Variants in C12orf54 observed in about 807,000 individuals in gnomAD.
C12orf54 encodes chromosome 12 open reading frame 54.
C12orf54 carries 24 observed loss-of-function variants against 26.4 expected under a neutral mutation model. That is an observed-to-expected ratio of 0.91 (90% CI 0.66 to 1.28). The LOEUF (loss-of-function observed/expected upper bound fraction) is 1.28. Among genes scored for constraint, C12orf54 ranks in the 50% most tolerant of loss-of-function variants. The probability of loss-of-function intolerance (pLI) is 0.00; values close to 1 mark genes in which losing one functional copy is unlikely to be tolerated. For synonymous variants in C12orf54, 54 were observed against 47.0 expected (o/e 1.15, Z -0.61); for missense variants, 154 against 150.9 (o/e 1.02, Z -0.11).
chr12:48,423,479 G>A, the C12orf54 span, among the ~76,000 whole-genome samples: 13 of 152,020 alleles, frequency 8.6e-5, no homozygotes, highest in East Asian at 7.7e-4. Flanking sequence ...CAGATGGTTC[G>A]CAAAAAGTGA....
At chr12:48,454,188 C>T in the C12orf54 span, among the ~76,000 whole-genome samples, 1 of 148,810 alleles carries the variant, frequency 6.7e-6, no homozygotes, top group African/African-American at 2.5e-5. Context: ...ACCTCTGCCT[C>T]CTGGGTTCAA....
chr12:48,418,401 C>T, the C12orf54 span, among the ~76,000 whole-genome samples: 2 of 152,002 alleles, frequency 1.3e-5, no homozygotes, highest in African/African-American at 4.8e-5. Flanking sequence ...TAATTTGAGT[C>T]CAGTGGTCAT....
the C12orf54 span, among the ~76,000 whole-genome samples, chr12:48,463,890 T>A: frequency 2.6e-5 from 4 of 152,076 alleles, no homozygotes; most frequent in Non-Finnish European, 4.4e-5. Flanking sequence ...CCCCCTTTCA[T>A]GTTAAAAACT....
intron 2 of C12orf54, among the ~76,000 whole-genome samples, chr12:48,485,974 T>C (rs1954256566): frequency 6.6e-6 from 1 of 152,110 alleles, no homozygotes; most frequent in African/African-American, 2.4e-5. Flanking sequence ...TCCACAATAG[T>C]CAAGATACTT....
the C12orf54 span, among the ~76,000 whole-genome samples, chr12:48,433,066 T>G: frequency 6.6e-6 from 1 of 152,290 alleles, no homozygotes; most frequent in African/African-American, 2.4e-5. Flanking sequence ...GTAGTAAATA[T>G]ATCTGAATTT....
the C12orf54 span, among the ~76,000 whole-genome samples, chr12:48,476,413 A>T: frequency 2.0e-5 from 3 of 152,210 alleles, no homozygotes; most frequent in Admixed American, 2.0e-4. Flanking sequence ...TTTAAATGTA[A>T]ATGGGCTAAA....
chr12:48,457,203 G>A, the C12orf54 span, among the ~76,000 whole-genome samples: 1 of 152,126 alleles, frequency 6.6e-6, no homozygotes, highest in Non-Finnish European at 1.5e-5. Context: ...GGTGACCGTA[G>A]GGCCCCAGGC....
At chr12:48,487,815 C>T in intron 4 of C12orf54, 1 of 469,620 alleles carries the variant, frequency 2.1e-6, no homozygotes, top group East Asian at 3.1e-5. Context: ...AGTTCTCACA[C>T]TTTCTCCCAA....
the C12orf54 span, among the ~76,000 whole-genome samples, chr12:48,424,858 G>A: frequency 2.0e-5 from 3 of 152,068 alleles, no homozygotes; most frequent in African/African-American, 7.2e-5. Flanking sequence ...ATGTGAAATT[G>A]TAGCAAAATC....
the C12orf54 span, among the ~76,000 whole-genome samples, chr12:48,438,821 A>T: frequency 1.3e-5 from 2 of 152,170 alleles, no homozygotes; most frequent in Non-Finnish European, 1.5e-5. Context: ...AACCTAGACA[A>T]TACCATTCAG....
the C12orf54 span, among the ~76,000 whole-genome samples, chr12:48,428,156 G>T: frequency 6.6e-6 from 1 of 151,940 alleles, no homozygotes; most frequent in Non-Finnish European, 1.5e-5. Context: ...CAAAACCTCT[G>T]GGATATAGCA....
At chr12:48,469,890 T>C in the C12orf54 span, among the ~76,000 whole-genome samples, 1 of 152,162 alleles carries the variant, frequency 6.6e-6, no homozygotes, top group Non-Finnish European at 1.5e-5. Flanking sequence ...GTCATTCCCA[T>C]GTTTATGTTC....
chr12:48,474,551 C>T, the C12orf54 span, among the ~76,000 whole-genome samples: 5 of 152,132 alleles, frequency 3.3e-5, no homozygotes, highest in Admixed American at 1.3e-4. Flanking sequence ...CCTAGTACTG[C>T]GCTTTTCCAA....
chr12:48,475,743 A>G, the C12orf54 span, among the ~76,000 whole-genome samples: 1 of 152,234 alleles, frequency 6.6e-6, no homozygotes, highest in Non-Finnish European at 1.5e-5. Context: ...ATATGGGACT[A>G]TGTGAAAAGA....
the C12orf54 span, among the ~76,000 whole-genome samples, chr12:48,477,353 A>C: frequency 9.9e-5 from 15 of 152,192 alleles, no homozygotes; most frequent in African/African-American, 3.6e-4. Context: ...AAGCAAGAGC[A>C]AACACATTCA....
At chr12:48,426,877 G>C in the C12orf54 span, among the ~76,000 whole-genome samples, 2 of 152,138 alleles carry the variant, frequency 1.3e-5, no homozygotes, top group South Asian at 4.1e-4. Context: ...ATGGCTCTCA[G>C]CTTAGCTGTT....
chr12:48,493,825 G>A lies in C12orf54; in HGVS notation c.242+830G>A, dbSNP rs945120315. ...ACAGATTTAAATTAGACATAGGGAG[G>A]AAAGACTTTTCAATAGTGCAACTGA... On this transcript the variant is annotated intron_variant, in intron 7 of 8. Coordinates refer to ENST00000548364, the MANE Select transcript of C12orf54 (RefSeq NM_152319.4). Among the ~76,000 whole-genome samples, 7 of 146,326 alleles carry A rather than the reference G, an allele frequency of 4.8e-5. No homozygotes were observed. In the South Asian group the frequency reaches 1.5e-3, roughly 31 times the overall value.
the C12orf54 span, among the ~76,000 whole-genome samples, chr12:48,468,380 A>AG: frequency 6.6e-6 from 1 of 152,176 alleles, no homozygotes; most frequent in Non-Finnish European, 1.5e-5. Context: ...ATGATGTCCA[A>AG]GGGGTAGGCC....
upstream of C12orf54, among the ~76,000 whole-genome samples, chr12:48,477,776 G>T (rs556038229): frequency 1.3e-5 from 2 of 152,264 alleles, no homozygotes; most frequent in East Asian, 3.9e-4. Context: ...ACCAAAAAAA[G>T]TTGAGGACCA....
Sources: gnomAD v4.1 joint callset for allele counts (sites outside exome capture counted in the v4.1 genomes callset) on GRCh38, gnomAD v4.1.1 for gene constraint, MANE v1.5 for transcripts, NCBI Gene and HGNC (gene_info 2026-07-23, HGNC 2026-07-21) for gene names.